The following CTNNA3 variants were observed in gnomAD, a reference collection of about 807,000 sequenced individuals.
The protein encoded by CTNNA3 is catenin alpha 3.
A neutral mutation model predicts 95.7 loss-of-function variants in CTNNA3; 76 were observed. That is an observed-to-expected ratio of 0.79 (90% CI 0.66 to 0.96). The LOEUF (loss-of-function observed/expected upper bound fraction) is 0.96, where lower values mean the gene tolerates loss of function less well. CTNNA3 is among the 40% of genes least tolerant of loss of function. The probability of loss-of-function intolerance (pLI) is 0.00; values close to 1 mark genes in which losing one functional copy is unlikely to be tolerated. For synonymous variants in CTNNA3, 431 were observed against 374.4 expected (o/e 1.15, Z -1.74); for missense variants, 1,191 against 1,089.8 (o/e 1.09, Z -1.31).
intron 2 of CTNNA3, among the ~76,000 whole-genome samples, chr10:67,631,417 T>C (rs1031062424): frequency 3.9e-5 from 6 of 152,178 alleles, no homozygotes; most frequent in African/African-American, 1.2e-4. Context: ...AGTGACATAA[T>C]AGTATCTATG....
Position 67,707,197 on chromosome 10 carries a change from C to T in CTNNA3, c.-2+56237G>A, listed in dbSNP as rs145430063. Among the ~76,000 whole-genome samples, 140 of 152,276 alleles carry T rather than the reference C, an allele frequency of 9.2e-4. 1 individual carries two copies. The highest frequency in any genetic ancestry group is 3.2e-3 in the African/African-American group (132 of 41,576). Reference sequence around the variant, plus strand: ...GATTTTTCAGAACTTAGAAGTTTAGCTCATGTTATTCTCCTGCTTAAAATT... The same window carrying T: ...GATTTTTCAGAACTTAGAAGTTTAGTTCATGTTATTCTCCTGCTTAAAATT... On this transcript the variant is annotated intron_variant, in intron 1 of 17. Transcript: ENST00000684154.
At chr10:66,731,033 T>C (rs1162173654) in intron 9 of CTNNA3, among the ~76,000 whole-genome samples, 1 of 152,226 alleles carries the variant, frequency 6.6e-6, no homozygotes, top group Non-Finnish European at 1.5e-5. Context: ...TTTGGATAAT[T>C]ATTATGGATC....
chr10:67,704,186 A>T (rs1380350026), intron 1 of CTNNA3, among the ~76,000 whole-genome samples: 3 of 152,238 alleles, frequency 2.0e-5, no homozygotes, highest in African/African-American at 7.2e-5. Flanking sequence ...AACATCGTGA[A>T]AATGGCCATA....
intron 7 of CTNNA3, among the ~76,000 whole-genome samples, chr10:66,822,368 A>G (rs1217853888): frequency 6.6e-6 from 1 of 152,068 alleles, no homozygotes; most frequent in African/African-American, 2.4e-5. Flanking sequence ...TGTCCCAGGG[A>G]GCCGCTACTG....
chr10:67,306,612 G>A lies in CTNNA3; in HGVS notation c.580-86742C>T, dbSNP rs187803932. ...GTTTCAAAAATGGCAATGAGTGGCC[G>A]GAAAAAGAGGAAAAATCAGCATGCG... On this transcript the variant is annotated intron_variant, in intron 5 of 17. Transcript: ENST00000433211. 2.6e-4 allele frequency among the ~76,000 whole-genome samples: 40 copies of A among 152,212 alleles called. No homozygotes were observed. The East Asian group carries it at 3.1e-3, about 12-fold the overall frequency.
At chr10:66,422,972 T>G (rs2132638852) in intron 11 of CTNNA3, among the ~76,000 whole-genome samples, 1 of 152,134 alleles carries the variant, frequency 6.6e-6, no homozygotes, top group African/African-American at 2.4e-5. Flanking sequence ...CAAGAATAGC[T>G]CAGGAGGTAG....
chr10:66,381,553 T>C (rs1220575609), intron 11 of CTNNA3, among the ~76,000 whole-genome samples: 1 of 151,106 alleles, frequency 6.6e-6, no homozygotes, highest in Non-Finnish European at 1.5e-5. Context: ...ACAAGAATGC[T>C]TGTTGAATGA....
intron 3 of CTNNA3, among the ~76,000 whole-genome samples, chr10:67,553,167 G>A (rs1428672475): frequency 6.6e-6 from 1 of 152,130 alleles, no homozygotes; most frequent in African/African-American, 2.4e-5. Flanking sequence ...TAAAGAACAT[G>A]CTCTTCAATA....
chr10:67,703,212 T>C, intron 1 of CTNNA3, among the ~76,000 whole-genome samples: 1 of 152,160 alleles, frequency 6.6e-6, no homozygotes. Flanking sequence ...CAGGAGCTGG[T>C]ACCATTCCTT....
At chr10:66,105,135 A>AT (rs760958310) in intron 13 of CTNNA3, among the ~76,000 whole-genome samples, 67 of 152,232 alleles carry the variant, frequency 4.4e-4, no homozygotes, top group Non-Finnish European at 7.6e-4. Context: ...TCAATGTGCT[A>AT]TTTTTTATCT....
chr10:67,513,214 G>A (rs1288681361), intron 5 of CTNNA3, among the ~76,000 whole-genome samples: 1 of 152,124 alleles, frequency 6.6e-6, no homozygotes, highest in African/African-American at 2.4e-5. Context: ...TACCCATTCT[G>A]GTACTCCTTT....
chr10:67,718,671 T>C (rs1433941309), intron 1 of CTNNA3, among the ~76,000 whole-genome samples: 1 of 152,212 alleles, frequency 6.6e-6, no homozygotes, highest in Non-Finnish European at 1.5e-5. Flanking sequence ...TTGATTGTGG[T>C]AGATAAGCTT....
In CTNNA3 at chr10:66,211,646, C is replaced by A. The variant is rs902661266; in HGVS notation, c.1884+68824G>T. ...AGGGGATGAATTCCAGAAGCCAACC[C>A]TAATATCTGCAGTAGAATCTTCAGT... On this transcript the variant is annotated intron_variant, in intron 13 of 17. Transcript: ENST00000433211. Among the ~76,000 whole-genome samples the A allele has an allele frequency of 3.3e-5, 5 of 152,290 alleles. No individual in the cohort carries two copies. The East Asian group carries it at 9.7e-4, about 29-fold the overall frequency.
At position 67,416,305 on chromosome 10, in the gene CTNNA3, C is replaced by A. The variant is rs188026744; in HGVS notation, c.579+105537G>T. Among the ~76,000 whole-genome samples, 12 of 151,950 alleles carry A rather than the reference C, an allele frequency of 7.9e-5. No homozygotes were observed. The East Asian group carries it at 2.3e-3, about 30-fold the overall frequency. On this transcript the variant is annotated intron_variant, in intron 5 of 17. Coordinates refer to ENST00000433211, the MANE Select transcript of CTNNA3 (RefSeq NM_013266.4). ...AAATAAATAACAAGCAGAAAATAAC[C>A]CCATTAAAAAGTGGACAAATGACCA...
intron 9 of CTNNA3, among the ~76,000 whole-genome samples, chr10:66,692,539 C>T (rs1248321372): frequency 6.6e-6 from 1 of 152,108 alleles, no homozygotes; most frequent in Admixed American, 6.5e-5. Flanking sequence ...AAACACTCTG[C>T]AGGATATTAT....
Position 66,103,275 on chromosome 10 carries a change from T to C in CTNNA3, c.1885-26A>G, listed in dbSNP as rs755747847. 27 of 1,542,588 alleles carry C rather than the reference T, an allele frequency of 1.8e-5. No individual in the cohort carries two copies. The South Asian group carries it at 2.9e-4, about 17-fold the overall frequency. On this transcript the variant is annotated intron_variant, in intron 13 of 17. Coordinates refer to ENST00000433211, the MANE Select transcript of CTNNA3 (RefSeq NM_013266.4). ...CTATAAAAAGAAAGCAAAACATTGC[T>C]AGTGGGAATGTAAAAGCATTTCTTC... is the stretch of plus-strand genomic sequence containing the variant.
intron 3 of CTNNA3, among the ~76,000 whole-genome samples, chr10:67,599,837 C>T (rs560555304): frequency 1.3e-5 from 2 of 152,164 alleles, no homozygotes; most frequent in African/African-American, 2.4e-5. Flanking sequence ...CTAGTCCTAA[C>T]CAAAATCTCA....
At chr10:66,987,084 T>G (rs900271445) in intron 7 of CTNNA3, among the ~76,000 whole-genome samples, 1 of 152,202 alleles carries the variant, frequency 6.6e-6, no homozygotes, top group Non-Finnish European at 1.5e-5. Flanking sequence ...AGTCCCGACG[T>G]GAAGTCCTTT....
chr10:66,910,956 T>C (rs1846196617), intron 7 of CTNNA3, among the ~76,000 whole-genome samples: 2 of 152,200 alleles, frequency 1.3e-5, no homozygotes, highest in Non-Finnish European at 2.9e-5. Context: ...AAGACCATTC[T>C]GAAGTTGCCC....
Sources: gnomAD v4.1 joint callset for allele counts (sites outside exome capture counted in the v4.1 genomes callset) on GRCh38, gnomAD v4.1.1 for gene constraint, MANE v1.5 for transcripts, NCBI Gene and HGNC (gene_info 2026-07-23, HGNC 2026-07-21) for gene names.